The following PYGL variants were observed in gnomAD, a reference collection of about 807,000 sequenced individuals.
PYGL encodes the protein glycogen phosphorylase, liver form.
In PYGL, 90 loss-of-function variants were observed where a neutral mutation model predicts 100.1. The ratio of observed to expected loss-of-function variants is 0.90; its 90% confidence interval spans 0.76 to 1.07. The LOEUF is 1.07. Ranked by LOEUF, PYGL falls within the 50% of genes least tolerant of loss-of-function variation. PYGL has a pLI of 0.00. For synonymous variants in PYGL, 373 were observed against 393.0 expected (o/e 0.95, Z 0.60); for missense variants, 1,016 against 1,057.6 (o/e 0.96, Z 0.55).
intron 4 of PYGL, among the ~76,000 whole-genome samples, chr14:50,929,393 T>G (rs73286819): frequency 0.06 from 9,079 of 152,244 alleles, 395 homozygotes; most frequent in African/African-American, 0.12. Flanking sequence ...TATTTGGTCT[T>G]TCTTTATTTT....
In PYGL at chr14:50,916,943, C is replaced by T; in HGVS notation, c.999+19G>A. The T allele has an allele frequency of 6.2e-7, 1 of 1,613,530 alleles. No homozygotes were observed. Among genetic ancestry groups the T allele is most frequent in the Non-Finnish European group, 8.5e-7 (1 of 1,179,424 alleles). ...ATCCCTCAGTGGACCCTAACTGCAT[C>T]CACAGACTAAATACTTGCCTGATCC... On this transcript the variant is annotated intron_variant, in intron 8 of 19. Coordinates refer to ENST00000216392, the MANE Select transcript of PYGL (RefSeq NM_002863.5).
chr14:50,910,793 G>A (rs1308793072), intron 16 of PYGL, among the ~76,000 whole-genome samples: 2 of 152,082 alleles, frequency 1.3e-5, no homozygotes, highest in African/African-American at 4.8e-5. Flanking sequence ...CACTTTTCCT[G>A]CAGGGAAATA....
At chr14:50,920,731 C>T (rs2050492776) in intron 6 of PYGL, 108 bp from the exon 7 acceptor site, 2 of 1,241,716 alleles carry the variant, frequency 1.6e-6, no homozygotes, top group Non-Finnish European at 2.3e-6. Flanking sequence ...TCCTAAAATT[C>T]CTAAAAATCC....
At chr14:50,924,134 T>G in intron 4 of PYGL, 34 bp from the exon 5 acceptor site, 1 of 1,607,948 alleles carries the variant, frequency 6.2e-7, no homozygotes, top group Non-Finnish European at 8.5e-7. Context: ...TAGAATTTAT[T>G]TGTCAGGAAA....
intron 4 of PYGL, among the ~76,000 whole-genome samples, chr14:50,930,946 C>T (rs549586103): frequency 6.6e-6 from 1 of 152,148 alleles, no homozygotes; most frequent in South Asian, 2.1e-4. Context: ...AAATAAGTAC[C>T]TAACAATCTG....
intron 9 of PYGL, among the ~76,000 whole-genome samples, chr14:50,916,293 GTA>G (rs1048118730): frequency 4.7e-4 from 71 of 152,328 alleles, no homozygotes; most frequent in Middle Eastern, 3.4e-3. Context: ...CAAGTACAAA[GTA>G]TGTAAAATGC....
rs140237400 is a variant in PYGL, at chr14:50,909,039, C to T, written c.2178-84G>A. On this transcript the variant is annotated intron_variant, in intron 17 of 19. Transcript: ENST00000216392. ...AACAACACACTAGACACTGCATTCA[C>T]TGTGAAAAAATACATTCAGAAATAC... The T allele has an allele frequency of 5.7e-5, 82 of 1,440,964 alleles. No individual in the cohort carries two copies. In the Middle Eastern group the frequency reaches 1.2e-3, roughly 22 times the overall value. 89.3% of individuals were successfully genotyped at this position (1,440,964 alleles called of 1,614,324 possible). A position where few individuals can be genotyped will look rare whatever the true frequency, so the allele number is the denominator to read the frequency against.
At chr14:50,925,929 G>A (rs2050543766) in intron 4 of PYGL, among the ~76,000 whole-genome samples, 1 of 152,160 alleles carries the variant, frequency 6.6e-6, no homozygotes, top group African/African-American at 2.4e-5. Context: ...TAGGTCTGGG[G>A]AGGGGCCTGA....
intron 2 of PYGL, 127 bp from the exon 3 acceptor site, chr14:50,935,312 C>A (rs1444247945): frequency 1.3e-6 from 1 of 776,450 alleles, no homozygotes; most frequent in East Asian, 2.7e-5. Context: ...AGCGTCAGCT[C>A]CCTTGCAGCT....
chr14:50,919,931 G>T (rs1013564326), intron 7 of PYGL, among the ~76,000 whole-genome samples: 1 of 151,784 alleles, frequency 6.6e-6, no homozygotes, highest in African/African-American at 2.4e-5. Flanking sequence ...TGATTTGCCC[G>T]CCTCAGACTC....
chr14:50,905,461 G>A lies in PYGL; in HGVS notation c.2475C>T (p.Ile825=). The A allele has an allele frequency of 1.2e-6, 2 of 1,613,848 alleles. No homozygotes were observed. Among genetic ancestry groups the A allele is most frequent in the Non-Finnish European group, 8.5e-7 (1 of 1,179,736 alleles). The change falls in exon 20 of 20, where the codon ATC becomes ATT. Residue 825 remains isoleucine, a synonymous_variant. Coordinates refer to ENST00000216392, the MANE Select transcript of PYGL (RefSeq NM_002863.5). The part of the protein sequence containing the change: ...DRTIKEYAQN[I]WNVEPSDLKI... ...TTAGATCTGAAGGTTCCACGTTCCA[G>A]ATGTTTTGGGCATATTCTTTAATTG...
chr14:50,933,510 T>C (rs2050621423), intron 3 of PYGL, among the ~76,000 whole-genome samples: 1 of 152,228 alleles, frequency 6.6e-6, no homozygotes, highest in South Asian at 2.1e-4. Flanking sequence ...TTTCATAGAA[T>C]ACAATCTGAT....
chr14:50,936,178 A>T (rs1178432827), intron 2 of PYGL, among the ~76,000 whole-genome samples: 1 of 152,242 alleles, frequency 6.6e-6, no homozygotes, highest in Admixed American at 6.5e-5. Context: ...AAGGTGGCCT[A>T]CTGTGAAACA....
intron 17 of PYGL, 121 bp downstream of exon 17, chr14:50,909,774 G>T: frequency 8.9e-7 from 1 of 1,118,460 alleles, no homozygotes; most frequent in Non-Finnish European, 1.4e-6. Flanking sequence ...ATGTTCTGCT[G>T]CCACCTCTTA....
intron 1 of PYGL, 42 bp from the exon 2 acceptor site, chr14:50,937,879 C>T (rs2050669284): frequency 6.6e-7 from 1 of 1,524,012 alleles, no homozygotes. Flanking sequence ...CCCAAGAGAT[C>T]AACCTCACTT....
intron 7 of PYGL, 44 bp downstream of exon 7, chr14:50,920,497 A>G (rs973025102): frequency 6.6e-7 from 1 of 1,514,490 alleles, no homozygotes; most frequent in Non-Finnish European, 9.2e-7. Context: ...CTTGTGAAAT[A>G]AGCTGCCTCT....
intron 3 of PYGL, among the ~76,000 whole-genome samples, chr14:50,933,645 C>T (rs562699508): frequency 2.4e-4 from 36 of 152,238 alleles, no homozygotes; most frequent in African/African-American, 8.4e-4. Context: ...CCCCTTTGAT[C>T]GCTATCCCAG....
intron 12 of PYGL, chr14:50,913,475 C>T (rs1047468921): frequency 6.4e-6 from 1 of 155,186 alleles, no homozygotes; most frequent in African/African-American, 2.4e-5. Flanking sequence ...GGGTTCATGC[C>T]ATTCTCCTGC....
chr14:50,931,513 T>C (rs918228553), intron 4 of PYGL, among the ~76,000 whole-genome samples, 160 bp downstream of exon 4: 1 of 152,136 alleles, frequency 6.6e-6, no homozygotes, highest in African/African-American at 2.4e-5. Flanking sequence ...GAACATACAT[T>C]CTGAAGTGGG....
Sources: allele counts gnomAD v4.1 joint callset (sites outside exome capture counted in the v4.1 genomes callset), GRCh38; gene constraint gnomAD v4.1.1; transcripts MANE v1.5; gene names NCBI Gene and HGNC (gene_info 2026-07-23, HGNC 2026-07-21).